Variants in ERC2 observed in about 807,000 individuals in gnomAD.
The protein encoded by ERC2 is ERC protein 2.
A neutral mutation model predicts 114.8 loss-of-function variants in ERC2; 42 were observed. That is an observed-to-expected ratio of 0.37 (90% confidence interval 0.29 to 0.47). The LOEUF is 0.47. Among genes scored for constraint, ERC2 ranks in the 20% least tolerant of loss-of-function variants. The pLI is 0.99. For missense variants in ERC2, 939 were observed against 1,150.7 expected, an observed-to-expected ratio of 0.82 and a Z score of 2.66; for synonymous variants, 454 against 425.5, an observed-to-expected ratio of 1.07 and a Z score of -0.82.
chr3:55,777,756 C>T (rs1191953417), intron 14 of ERC2, among the ~76,000 whole-genome samples: 3 of 152,176 alleles, frequency 2.0e-5, no homozygotes, highest in African/African-American at 7.2e-5. Flanking sequence ...GGAACATACA[C>T]TTTTACCCCT....
chr3:55,857,015 G>A (rs1360042389), intron 14 of ERC2, among the ~76,000 whole-genome samples: 1 of 152,014 alleles, frequency 6.6e-6, no homozygotes, highest in Admixed American at 6.5e-5. Context: ...CTAAGGAAAA[G>A]GGGTAATAGA....
chr3:55,931,701 T>C (rs111784397), intron 13 of ERC2, among the ~76,000 whole-genome samples: 1,996 of 152,002 alleles, frequency 0.013, 50 homozygotes, highest in African/African-American at 0.046. Flanking sequence ...TGTATACCTA[T>C]GTAATAAACC....
At chr3:55,961,259 C>T (rs1017267449) in intron 12 of ERC2, among the ~76,000 whole-genome samples, 2 of 152,234 alleles carry the variant, frequency 1.3e-5, no homozygotes, top group Admixed American at 6.5e-5. Flanking sequence ...CCCTATAGTC[C>T]TCTGCGGCTC....
chr3:55,881,074 G>T (rs2063097770), intron 14 of ERC2, among the ~76,000 whole-genome samples: 2 of 152,148 alleles, frequency 1.3e-5, no homozygotes, highest in African/African-American at 2.4e-5. Flanking sequence ...TGTCCAAATT[G>T]CTAGGCACTT....
intron 17 of ERC2, among the ~76,000 whole-genome samples, chr3:55,569,620 T>C (rs56999013): frequency 0.019 from 2,913 of 152,324 alleles, 97 homozygotes; most frequent in African/African-American, 0.066. Context: ...TTGATGTGCC[T>C]GAAACTCCTC....
At chr3:56,070,234 A>G (rs374849072) in intron 7 of ERC2, among the ~76,000 whole-genome samples, 2 of 152,334 alleles carry the variant, frequency 1.3e-5, no homozygotes, top group South Asian at 2.1e-4. Flanking sequence ...TTTAAATCAA[A>G]TGGCCTGGGA....
At chr3:56,450,841 A>T (rs1428991781) in intron 1 of ERC2, among the ~76,000 whole-genome samples, 6 of 152,236 alleles carry the variant, frequency 3.9e-5, no homozygotes, top group Non-Finnish European at 5.9e-5. Context: ...TAAAAAAATA[A>T]ATAAATTTTA....
intron 13 of ERC2, among the ~76,000 whole-genome samples, chr3:55,943,794 T>C (rs1169071003): frequency 6.6e-6 from 1 of 151,882 alleles, no homozygotes; most frequent in East Asian, 1.9e-4. Flanking sequence ...AAAAATGGGG[T>C]CTCCAGTTTA....
intron 2 of ERC2, among the ~76,000 whole-genome samples, chr3:56,347,222 T>C (rs1404374923): frequency 6.6e-6 from 1 of 152,130 alleles, no homozygotes; most frequent in Admixed American, 6.5e-5. Flanking sequence ...CCCTCCACAG[T>C]TGAGACTCAA....
At chr3:56,183,708 A>C (rs1203276402) in intron 3 of ERC2, among the ~76,000 whole-genome samples, 2 of 152,080 alleles carry the variant, frequency 1.3e-5, no homozygotes, top group African/African-American at 4.8e-5. Context: ...CACGGAGCTT[A>C]TGTTCTAGTG....
At chr3:55,583,375 TTTCCTTCTTTCTTTCC>T (rs1419515591) in intron 17 of ERC2, among the ~76,000 whole-genome samples, 2,357 of 134,854 alleles carry the variant, frequency 0.017, 96 homozygotes, top group African/African-American at 0.056. Context: ...GCCTGCCTTC[TTTCCTTCTTTCTTTCC>T]TTCCTTCTTT....
intron 15 of ERC2, among the ~76,000 whole-genome samples, chr3:55,727,606 C>T (rs536469130): frequency 1.3e-5 from 2 of 152,270 alleles, no homozygotes; most frequent in South Asian, 4.1e-4. Flanking sequence ...AATTTCTGAA[C>T]TCATTTCATA....
chr3:56,415,978 T>C (rs1243032862), intron 2 of ERC2, among the ~76,000 whole-genome samples: 2 of 152,220 alleles, frequency 1.3e-5, no homozygotes, highest in Admixed American at 1.3e-4. Flanking sequence ...GCACTCTTAA[T>C]TTTCCTGAAA....
intron 7 of ERC2, among the ~76,000 whole-genome samples, chr3:56,041,760 C>T (rs574768969): frequency 3.9e-5 from 6 of 152,226 alleles, no homozygotes; most frequent in Non-Finnish European, 8.8e-5. Context: ...TTCTTCAAGT[C>T]CTCAGGTCCC....
At chr3:55,716,433 A>G (rs1016203624) in intron 15 of ERC2, among the ~76,000 whole-genome samples, 2 of 152,214 alleles carry the variant, frequency 1.3e-5, no homozygotes, top group African/African-American at 4.8e-5. Context: ...AGGGTCCTGG[A>G]GAGTAAAGAA....
At chr3:55,588,180 C>G (rs953964942) in intron 17 of ERC2, among the ~76,000 whole-genome samples, 1 of 152,100 alleles carries the variant, frequency 6.6e-6, no homozygotes, top group African/African-American at 2.4e-5. Context: ...CCCAAGAAAC[C>G]AGCTGAAGGC....
intron 6 of ERC2, among the ~76,000 whole-genome samples, chr3:56,102,781 A>G (rs144109626): frequency 1.1e-3 from 162 of 152,264 alleles, no homozygotes; most frequent in African/African-American, 3.7e-3. Context: ...TCTTGAACCC[A>G]CTGATGTTGA....
intron 17 of ERC2, among the ~76,000 whole-genome samples, chr3:55,524,466 G>C (rs920184288): frequency 2.0e-5 from 3 of 150,462 alleles, no homozygotes; most frequent in African/African-American, 7.3e-5. Flanking sequence ...TCTTCCTGTT[G>C]GCATAGCCCA....
chr3:56,154,002 T>C (rs1164918581), intron 4 of ERC2, among the ~76,000 whole-genome samples: 1 of 152,180 alleles, frequency 6.6e-6, no homozygotes, highest in Admixed American at 6.6e-5. Context: ...ATAATTATAT[T>C]ACACTTTATT....
Sources: allele counts gnomAD v4.1 joint callset (sites outside exome capture counted in the v4.1 genomes callset), GRCh38; gene constraint gnomAD v4.1.1; transcripts MANE v1.5; gene names NCBI Gene and HGNC (gene_info 2026-07-23, HGNC 2026-07-21).